OLFML2B: variants seen among roughly 807,000 people sequenced by gnomAD.
OLFML2B encodes olfactomedin-like protein 2B.
In OLFML2B, 57 loss-of-function variants were observed where a neutral mutation model predicts 74.9. That is an observed-to-expected ratio of 0.76 (90% CI 0.61 to 0.95). OLFML2B has a LOEUF of 0.95. Among genes scored for constraint, OLFML2B ranks in the 40% least tolerant of loss-of-function variants. OLFML2B has a pLI of 0.00. For missense variants in OLFML2B, 986 were observed against 970.6 expected (o/e 1.02, Z -0.21); for synonymous variants, 388 against 405.8 (o/e 0.96, Z 0.53).
intron 3 of OLFML2B, among the ~76,000 whole-genome samples, chr1:162,013,689 A>C (rs1012163977): frequency 6.6e-6 from 1 of 152,138 alleles, no homozygotes; most frequent in Non-Finnish European, 1.5e-5. Context: ...AGGGATGTTC[A>C]TGTATAGGAA....
In OLFML2B at chr1:161,983,995, C is replaced by T. The variant is rs557194489; in HGVS notation, c.1933G>A (p.Val645Ile). Residue 645 changes from valine to isoleucine, a missense_variant, in exon 8 of 8, where the codon GTC (valine) becomes ATC (isoleucine). Physicochemically the swap from Val to Ile is conservative, Grantham distance 29. Coordinates refer to ENST00000294794, the MANE Select transcript of OLFML2B (RefSeq NM_015441.3). ...GCATTGAGCTTGCTCAGGACAATGA[C>T]CTCCTGGCTGAAGCCCTCATCGTCC... ...ALDDEGFSQE[V>I]IVLSKLNAAD... 1 of 1,614,232 alleles carries T rather than the reference C, an allele frequency of 6.2e-7. No individual in the cohort carries two copies. The highest frequency in any genetic ancestry group is 8.5e-7 in the Non-Finnish European group (1 of 1,180,044).
chr1:161,987,530 C>T (rs149102462), intron 6 of OLFML2B, among the ~76,000 whole-genome samples: 20 of 152,252 alleles, frequency 1.3e-4, no homozygotes, highest in African/African-American at 4.6e-4. Context: ...TGCTGGCAGC[C>T]ATGAGAAGCT....
In OLFML2B at chr1:161,998,101, C is replaced by T; in HGVS notation, c.1198G>A (p.Val400Met). The T allele has an allele frequency of 2.5e-6, 4 of 1,613,982 alleles. No individual in the cohort carries two copies. Among genetic ancestry groups the T allele is most frequent in the African/African-American group, 1.3e-5 (1 of 75,040 alleles). The change falls in exon 6 of 8, where the codon GTG (valine) becomes ATG (methionine). Residue 400 changes from valine (V) to methionine (M), a missense_variant. Val to Met is a conservative substitution (Grantham distance 21). Transcript: ENST00000294794. Reference sequence around the variant, plus strand: ...GACTCCCTTGTGGGATCTGGAGACACCGAGGTTGTTTGGAGTGTTGGTCCC... The same window carrying T: ...GACTCCCTTGTGGGATCTGGAGACATCGAGGTTGTTTGGAGTGTTGGTCCC... ...SVGPTLQTTS[V>M]SPDPTRESVL... is the part of the protein sequence containing the mutation.
At chr1:161,993,552 C>T (rs1689803023) in intron 6 of OLFML2B, among the ~76,000 whole-genome samples, 1 of 152,202 alleles carries the variant, frequency 6.6e-6, no homozygotes, top group Non-Finnish European at 1.5e-5. Flanking sequence ...ATATTGTTTC[C>T]ATGCTTAGAG....
chr1:161,990,951 T>C (rs1689724734), intron 6 of OLFML2B, among the ~76,000 whole-genome samples: 1 of 152,244 alleles, frequency 6.6e-6, no homozygotes, highest in Non-Finnish European at 1.5e-5. Context: ...TCTTTGTTCA[T>C]CAATAAGAAA....
At position 161,994,739 on chromosome 1, in the gene OLFML2B, A is replaced by G. The variant is rs1250700912; in HGVS notation, c.1474+3086T>C. On this transcript the variant is annotated intron_variant, in intron 6 of 7. Transcript: ENST00000294794. Reference sequence around the variant, plus strand: ...CTGTCCTAGAGCTACACTACGGCCAAATGTTTCGTTTGCACAGCCAAAAAT... The same window carrying G: ...CTGTCCTAGAGCTACACTACGGCCAGATGTTTCGTTTGCACAGCCAAAAAT... Among the ~76,000 whole-genome samples, 9 of 152,274 alleles carry G rather than the reference A, an allele frequency of 5.9e-5. No homozygotes were observed. The South Asian group carries it at 8.3e-4, about 14-fold the overall frequency.
chr1:162,019,535 C>T (rs1690637954), intron 2 of OLFML2B, among the ~76,000 whole-genome samples: 1 of 152,198 alleles, frequency 6.6e-6, no homozygotes, highest in Non-Finnish European at 1.5e-5. Context: ...GCCAACCCAG[C>T]CCTTGTGCTA....
intron 6 of OLFML2B, among the ~76,000 whole-genome samples, chr1:161,988,770 A>G (rs1246290014): frequency 1.3e-5 from 2 of 151,966 alleles, no homozygotes; most frequent in African/African-American, 2.4e-5. Flanking sequence ...CCAACAACTC[A>G]GCCCAGGTCC....
At chr1:162,014,695 T>C (rs989351267) in intron 3 of OLFML2B, among the ~76,000 whole-genome samples, 8 of 152,134 alleles carry the variant, frequency 5.3e-5, no homozygotes, top group African/African-American at 1.4e-4. Context: ...TGAGACAAAC[T>C]CAAACAAATA....
intron 4 of OLFML2B, among the ~76,000 whole-genome samples, chr1:162,005,734 T>C (rs766697733): frequency 1.9e-4 from 29 of 151,658 alleles, no homozygotes; most frequent in Admixed American, 4.6e-4. Flanking sequence ...GACCCTGTAT[T>C]TACAAAAAAT....
At chr1:162,020,892 C>T (rs1219239377) in intron 1 of OLFML2B, among the ~76,000 whole-genome samples, 2 of 152,210 alleles carry the variant, frequency 1.3e-5, no homozygotes, top group East Asian at 3.8e-4. Context: ...TTGAAGACTA[C>T]TGGCATCTCT....
rs1283053936 is a variant in OLFML2B at position 162,007,585 on chromosome 1, T to C, written c.547-1112A>G. Among the ~76,000 whole-genome samples, 3 of 152,336 alleles carry C rather than the reference T, an allele frequency of 2.0e-5. No homozygotes were observed. In the South Asian group the frequency reaches 6.2e-4, roughly 32 times the overall value. ...GGAAGCAATGATGTAAAATAGAGGA[T>C]GTGTTTGCTTTCCATCTTTCTTTAA... On this transcript the variant is annotated intron_variant, in intron 3 of 7. Transcript: ENST00000294794.
rs114346907 is a variant in OLFML2B at position 161,996,174 on chromosome 1, A to G, written c.1474+1651T>C. The stretch of plus-strand genomic sequence containing the variant: ...GCTATTTCACTGCTGTCATTCTGCC[A>G]TTATTCTGAAACTTTCACCCAACAA... On this transcript the variant is annotated intron_variant, in intron 6 of 7. Coordinates refer to ENST00000294794, the MANE Select transcript of OLFML2B (RefSeq NM_015441.3). 5.4e-3 allele frequency among the ~76,000 whole-genome samples: 824 copies of G among 152,292 alleles called. 11 individuals are homozygous for G. The highest frequency in any genetic ancestry group is 0.018 in the African/African-American group (749 of 41,550).
At position 162,020,090 on chromosome 1, in the gene OLFML2B, G is replaced by A; in HGVS notation, c.267C>T (p.Cys89=). 1 of 1,614,160 alleles carries A rather than the reference G, an allele frequency of 6.2e-7. No homozygotes were observed. The highest frequency in any genetic ancestry group is 8.5e-7 in the Non-Finnish European group (1 of 1,180,020). ...TGGAGGCCCCCGCATTGATCCTCTGGCAGGCATCCCGGCCCAGGGGTCTCA... is the reference window on the plus strand; with the variant it reads ...TGGAGGCCCCCGCATTGATCCTCTGACAGGCATCCCGGCCCAGGGGTCTCA... ...CVVRPLGRDA[C]QRINAGASRK... is the part of the protein sequence containing the mutation. Residue 89 remains cysteine, a synonymous_variant, in exon 2 of 8, where the codon TGC becomes TGT. Coordinates refer to ENST00000294794, the MANE Select transcript of OLFML2B (RefSeq NM_015441.3).
At position 161,998,100 on chromosome 1, in the gene OLFML2B, A is replaced by C. The variant is rs780701872; in HGVS notation, c.1199T>G (p.Val400Gly). The C allele has an allele frequency of 6.2e-7, 1 of 1,613,864 alleles. No individual in the cohort carries two copies. The highest frequency in any genetic ancestry group is 8.5e-7 in the Non-Finnish European group (1 of 1,180,040). Residue 400 changes from valine to glycine, a missense_variant, in exon 6 of 8, where the codon GTG becomes GGG. Coordinates refer to ENST00000294794, the MANE Select transcript of OLFML2B (RefSeq NM_015441.3). ...TGACTCCCTTGTGGGATCTGGAGAC[A>C]CCGAGGTTGTTTGGAGTGTTGGTCC... Reference protein sequence around the residue: ...SVGPTLQTTSVSPDPTRESVL... With the variant: ...SVGPTLQTTSGSPDPTRESVL...
Position 162,000,229 on chromosome 1 carries a change from G to A in OLFML2B, c.833C>T (p.Pro278Leu). The A allele has an allele frequency of 6.2e-7, 1 of 1,613,880 alleles. No individual in the cohort carries two copies. Among genetic ancestry groups the A allele is most frequent in the Non-Finnish European group, 8.5e-7 (1 of 1,180,020 alleles). Reference protein sequence around the residue: ...ALPEVVKSQRPLQRQVHLRGR... With the variant: ...ALPEVVKSQRLLQRQVHLRGR... ...TCTCAGGTGGACCTGCCTCTGCAGG[G>A]GCCGCTGTGACTTCACCACCTCAGG... The change falls in exon 5 of 8, where the codon CCC (proline) becomes CTC (leucine). Residue 278 changes from proline (P) to leucine (L), a missense_variant. By Grantham distance (98) the Pro-to-Leu change is moderately conservative. Coordinates refer to ENST00000294794, the MANE Select transcript of OLFML2B (RefSeq NM_015441.3).
chr1:162,006,397 T>G lies in OLFML2B; in HGVS notation c.623A>C (p.Lys208Thr). The change falls in exon 4 of 8, where the codon AAG becomes ACG. Residue 208 changes from lysine to threonine, a missense_variant. By Grantham distance (78) the Lys-to-Thr change is moderately conservative. Transcript: ENST00000294794. ...TTCAGAGCAATTTTCTTTGCCTCGC[T>G]TATTCATCTCGGTTCGAATTTCTTC... ...DMEEIRTEMN[K>T]RGKENCSENI... is the part of the protein sequence containing the mutation. 1 of 1,613,156 alleles carries G rather than the reference T, an allele frequency of 6.2e-7. No homozygotes were observed. The highest frequency in any genetic ancestry group is 8.5e-7 in the Non-Finnish European group (1 of 1,179,748).
At chr1:162,006,273 G>A (rs1190535358) in intron 4 of OLFML2B, 24 bp downstream of exon 4, 1 of 1,524,510 alleles carries the variant, frequency 6.6e-7, no homozygotes. Flanking sequence ...TGTGATCAGA[G>A]GCCCTTGGAG....
At chr1:162,004,813 T>C (rs542864920) in intron 4 of OLFML2B, among the ~76,000 whole-genome samples, 2 of 152,266 alleles carry the variant, frequency 1.3e-5, no homozygotes, top group Admixed American at 1.3e-4. Context: ...CAGGCCCTGC[T>C]CAATCCACAC....
Sources: gnomAD v4.1 joint callset for allele counts (sites outside exome capture counted in the v4.1 genomes callset) on GRCh38, gnomAD v4.1.1 for gene constraint, MANE v1.5 for transcripts, NCBI Gene and HGNC (gene_info 2026-07-23, HGNC 2026-07-21) for gene names.